NR2C1: variants seen among roughly 807,000 people sequenced by gnomAD.
The protein encoded by NR2C1 is TR2 nuclear hormone receptor.
NR2C1 carries 33 observed loss-of-function variants against 74.8 expected under a neutral mutation model. The observed-to-expected ratio is 0.44, with a 90% CI of 0.33 to 0.59. The LOEUF (loss-of-function observed/expected upper bound fraction) is 0.59. Among genes scored for constraint, NR2C1 ranks in the 20% least tolerant of loss-of-function variants. NR2C1 has a pLI of 0.02. For missense variants in NR2C1, 568 were observed against 715.6 expected, an observed-to-expected ratio of 0.79 and a Z score of 2.35; for synonymous variants, 225 against 240.6, an observed-to-expected ratio of 0.94 and a Z score of 0.60.
chr12:95,070,842 G>C (rs1013137271), intron 1 of NR2C1, among the ~76,000 whole-genome samples: 1 of 152,156 alleles, frequency 6.6e-6, no homozygotes, highest in Non-Finnish European at 1.5e-5. Flanking sequence ...GTCAAACTAC[G>C]ATGTTCTTTA....
At chr12:95,032,407 G>A (rs1013420230) in intron 10 of NR2C1, among the ~76,000 whole-genome samples, 1 of 150,260 alleles carries the variant, frequency 6.7e-6, no homozygotes, top group Non-Finnish European at 1.5e-5. Context: ...GCAGTGAGCA[G>A]AGGTCGCACC....
At chr12:95,054,743 C>G (rs1404579961) in intron 7 of NR2C1, among the ~76,000 whole-genome samples, 2 of 152,176 alleles carry the variant, frequency 1.3e-5, no homozygotes, top group Admixed American at 6.5e-5. Context: ...ACATATCTAA[C>G]TAGATTCTTT....
chr12:95,033,712 C>T (rs1279880285), intron 10 of NR2C1, among the ~76,000 whole-genome samples: 1 of 152,172 alleles, frequency 6.6e-6, no homozygotes, highest in Non-Finnish European at 1.5e-5. Flanking sequence ...CCTTCAGTGT[C>T]ACGCACACAC....
chr12:95,066,286 G>C (rs1264167211), intron 2 of NR2C1, among the ~76,000 whole-genome samples: 1 of 152,166 alleles, frequency 6.6e-6, no homozygotes, highest in Non-Finnish European at 1.5e-5. Context: ...TGAACTGCTT[G>C]AGCCCAGGAG....
At chr12:95,041,311 C>T (rs561528540) in intron 9 of NR2C1, among the ~76,000 whole-genome samples, 1 of 151,974 alleles carries the variant, frequency 6.6e-6, no homozygotes, top group Non-Finnish European at 1.5e-5. Context: ...CATGGTTAAA[C>T]CTCATCTTTA....
chr12:95,052,052 A>G lies in NR2C1; in HGVS notation c.784-109T>C, dbSNP rs1050587079. The G allele has an allele frequency of 6.1e-6, 4 of 659,846 alleles. No homozygotes were observed. In the African/African-American group the frequency reaches 7.5e-5, roughly 12 times the overall value. 40.9% of individuals were successfully genotyped at this position (659,846 alleles called of 1,614,324 possible). A position where few individuals can be genotyped will look rare whatever the true frequency, so the allele number is the denominator to read the frequency against. On this transcript the variant is annotated intron_variant, in intron 7 of 13. Transcript: ENST00000333003. ...TGCCAACAAAAGAACAGTATGATAAATGAAACCTGGAAAGTTAAAGGGCTG... is the reference window on the plus strand; with the variant it reads ...TGCCAACAAAAGAACAGTATGATAAGTGAAACCTGGAAAGTTAAAGGGCTG...
rs372409397 is a variant in NR2C1 at position 95,053,890 on chromosome 12, A to G, written c.784-1947T>C. Among the ~76,000 whole-genome samples the G allele has an allele frequency of 6.6e-5, 10 of 152,088 alleles. No individual in the cohort carries two copies. In the East Asian group the frequency reaches 7.7e-4, roughly 12 times the overall value. ...GGTAGAGACAGGGTTTCACTGTGTTAGCCAGGACAGTCTCGATCTCCTGAC... is the reference window on the plus strand; with the variant it reads ...GGTAGAGACAGGGTTTCACTGTGTTGGCCAGGACAGTCTCGATCTCCTGAC... On this transcript the variant is annotated intron_variant, in intron 7 of 13. Transcript: ENST00000333003.
chr12:95,063,339 T>C (rs1368043690), intron 2 of NR2C1, among the ~76,000 whole-genome samples: 2 of 152,036 alleles, frequency 1.3e-5, no homozygotes, highest in African/African-American at 4.8e-5. Context: ...AGGGAGGTGT[T>C]TGACACATGT....
chr12:95,049,360 T>C, intron 8 of NR2C1, 127 bp from the exon 9 acceptor site: 1 of 801,668 alleles, frequency 1.2e-6, no homozygotes, highest in East Asian at 2.6e-5. Context: ...ACTCAAGTGA[T>C]ATGCCCGCCT....
In NR2C1 at chr12:95,022,314, T is replaced by C; in HGVS notation, c.1727A>G (p.Asn576Ser). The C allele has an allele frequency of 2.5e-6, 4 of 1,613,488 alleles. No individual in the cohort carries two copies. The highest frequency in any genetic ancestry group is 2.2e-5 in the East Asian group (1 of 44,850). Residue 576 changes from asparagine (N) to serine (S), a missense_variant, in exon 14 of 14, where the codon AAT (asparagine) becomes AGT (serine). Asn to Ser is a conservative substitution (Grantham distance 46, BLOSUM62 1). Around this residue, in one of 6 missense-constraint regions of NR2C1, gnomAD observed 117 missense variants for 186.7 expected, o/e 0.63. Transcript: ENST00000333003. Reference sequence around the variant, plus strand: ...TGGGATAACACTGTCAATTCGTATATTGCCAATGAGACCTTTGAAAAACAA... The same window carrying C: ...TGGGATAACACTGTCAATTCGTATACTGCCAATGAGACCTTTGAAAAACAA... Reference protein sequence around the residue: ...EELFFKGLIGNIRIDSVIPHI... With the variant: ...EELFFKGLIGSIRIDSVIPHI...
At chr12:95,060,050 T>C in intron 3 of NR2C1, 66 bp from the exon 4 acceptor site, 1 of 1,251,534 alleles carries the variant, frequency 8.0e-7, no homozygotes, top group Non-Finnish European at 1.1e-6. Flanking sequence ...CAGCACTCAT[T>C]CTATTAAAAA....
At chr12:95,067,575 A>ATT (rs552387315) in intron 1 of NR2C1, among the ~76,000 whole-genome samples, 184 bp from the exon 2 acceptor site, 1 of 143,090 alleles carries the variant, frequency 7.0e-6, no homozygotes, top group Non-Finnish European at 1.5e-5. Context: ...TGTCTTTTTT[A>ATT]TTTTTTTTTT....
At chr12:95,059,152 A>C (rs759553253) in intron 4 of NR2C1, among the ~76,000 whole-genome samples, 4 of 151,606 alleles carry the variant, frequency 2.6e-5, no homozygotes, top group Non-Finnish European at 4.4e-5. Context: ...AAATACAAAA[A>C]TTAGCAGGGC....
chr12:95,064,403 A>G (rs972597213), intron 2 of NR2C1, among the ~76,000 whole-genome samples: 40 of 152,182 alleles, frequency 2.6e-4, no homozygotes, highest in Middle Eastern at 6.8e-3. Flanking sequence ...GGTACCATCA[A>G]TATCTGGTTA....
chr12:95,027,577 A>C (rs1869513082), intron 12 of NR2C1, among the ~76,000 whole-genome samples: 3 of 152,140 alleles, frequency 2.0e-5, no homozygotes, highest in Admixed American at 6.6e-5. Context: ...CTCTACTAAA[A>C]ATACAAAAAT....
chr12:95,044,476 C>A (rs190326895), intron 9 of NR2C1, among the ~76,000 whole-genome samples: 1 of 151,230 alleles, frequency 6.6e-6, no homozygotes, highest in Non-Finnish European at 1.5e-5. Flanking sequence ...CGGGGTTTCA[C>A]CACGTTGGTC....
intron 2 of NR2C1, among the ~76,000 whole-genome samples, chr12:95,064,045 A>AG (rs1221533163): frequency 2.8e-5 from 4 of 141,570 alleles, no homozygotes; most frequent in South Asian, 2.2e-4. Flanking sequence ...AAAAAAAAAA[A>AG]GGGGATGGAC....
Position 95,025,142 on chromosome 12 carries a change from C to G in NR2C1, c.1637+8G>C, listed in dbSNP as rs770511724. 1.5e-6 allele frequency: 2 copies of G among 1,290,866 alleles called. No individual in the cohort carries two copies. Among genetic ancestry groups the G allele is most frequent in the Non-Finnish European group, 2.2e-6 (2 of 908,458 alleles). 80.0% of individuals were successfully genotyped at this position (1,290,866 alleles called of 1,614,324 possible). On this transcript the variant is annotated splice_region_variant and intron_variant, in intron 13 of 13. Transcript: ENST00000333003. ...TATTTTAATTATATAGAATTTAACTCTAGATACCTGTAGGTGTCATCTGGA... is the reference window on the plus strand; with the variant it reads ...TATTTTAATTATATAGAATTTAACTGTAGATACCTGTAGGTGTCATCTGGA...
At chr12:95,030,607 A>G (rs1869961742) in intron 11 of NR2C1, 1 of 1,613,250 alleles carries the variant, frequency 6.2e-7, no homozygotes, top group Non-Finnish European at 8.5e-7. Flanking sequence ...TTTTGATGAC[A>G]TTTTAAGGTG....
Sources: allele counts gnomAD v4.1 joint callset (sites outside exome capture counted in the v4.1 genomes callset), GRCh38; gene constraint gnomAD v4.1.1; regional missense constraint gnomAD v4.1.1; transcripts MANE v1.5; gene names NCBI Gene and HGNC (gene_info 2026-07-23, HGNC 2026-07-21).